The following KIF20B variants were observed in gnomAD, a reference collection of about 807,000 sequenced individuals.
KIF20B encodes the protein kinesin family member 20B.
A neutral mutation model predicts 232.5 loss-of-function variants in KIF20B; 188 were observed. The ratio of observed to expected loss-of-function variants is 0.81; its 90% CI spans 0.72 to 0.91. The LOEUF is 0.91. Among genes scored for constraint, KIF20B ranks in the 40% least tolerant of loss-of-function variants. The probability of loss-of-function intolerance (pLI) is 0.00; values close to 1 mark genes in which losing one functional copy is unlikely to be tolerated. For missense variants in KIF20B, 2,154 were observed against 2,055.9 expected (o/e 1.05, Z -0.92); for synonymous variants, 712 against 683.0 (o/e 1.04, Z -0.66).
Position 89,738,596 on chromosome 10 carries a change from C to T in KIF20B, c.3755C>T (p.Thr1252Ile). ...CAATTAAAAGAAGAAGAAGAAGAAA[C>T]CAACAGGCAAGAAACAGAAAAGTAA... is the stretch of plus-strand genomic sequence containing the variant. ...LLQLKEEEEE[T>I]NRQETEKLKE... Residue 1252 changes from threonine (T) to isoleucine (I), a missense_variant, in exon 20 of 33, where the codon ACC (threonine) becomes ATC (isoleucine). Physicochemically the swap from Thr to Ile is moderately conservative, Grantham distance 89. Transcript: ENST00000371728. The T allele has an allele frequency of 2.6e-6, 4 of 1,548,830 alleles. No homozygotes were observed. Among genetic ancestry groups the T allele is most frequent in the Non-Finnish European group, 3.5e-6 (4 of 1,150,290 alleles).
At chr10:89,736,631 T>A (rs186375223) in intron 19 of KIF20B, among the ~76,000 whole-genome samples, 1,943 of 152,246 alleles carry the variant, frequency 0.013, 18 homozygotes, top group Middle Eastern at 0.024. Context: ...TCTAGCAATA[T>A]ACATATTAAG....
chr10:89,720,909 C>T (rs1843041904), intron 13 of KIF20B, among the ~76,000 whole-genome samples: 1 of 152,086 alleles, frequency 6.6e-6, no homozygotes, highest in African/African-American at 2.4e-5. Flanking sequence ...GGGGTTTCAC[C>T]ATGTTGGCCA....
intron 23 of KIF20B, among the ~76,000 whole-genome samples, chr10:89,747,746 G>A (rs1841944977): frequency 6.6e-6 from 1 of 151,838 alleles, no homozygotes; most frequent in South Asian, 2.1e-4. Flanking sequence ...TGGGGTGGGG[G>A]GAGTGGGGAG....
At chr10:89,729,270 T>C (rs1301444729) in intron 18 of KIF20B, 23 bp downstream of exon 18, 1 of 1,441,902 alleles carries the variant, frequency 6.9e-7, no homozygotes, top group African/African-American at 1.5e-5. Context: ...CCTTGTGTTA[T>C]ATTAATAAAT....
At chr10:89,714,893 T>C (rs1842905958) in intron 7 of KIF20B, 62 bp from the exon 8 acceptor site, 2 of 983,024 alleles carry the variant, frequency 2.0e-6, no homozygotes, top group African/African-American at 3.3e-5. Flanking sequence ...TTTGTACTTT[T>C]GTCACGTTTT....
rs530759062 is a variant in KIF20B, at chr10:89,745,532, CAAAT to C, written c.4036-347_4036-344del. ...AGGGAGACTCCATCTCAAAAACAAA[CAAAT>C]AAATAAATAAATAAATAAAGACATA... On this transcript the variant is annotated intron_variant, in intron 22 of 32. Transcript: ENST00000371728. Among the ~76,000 whole-genome samples the C allele has an allele frequency of 4.8e-3, 726 of 151,984 alleles. 6 individuals are homozygous for C. The highest frequency in any genetic ancestry group is 0.015 in the African/African-American group (624 of 41,432).
In KIF20B at chr10:89,752,604, A is replaced by G. The variant is rs770019921; in HGVS notation, c.4260A>G (p.Glu1420=). The part of the protein sequence containing the change: ...EKWKEKCNDL[E]TKNNQRSNKE... The stretch of plus-strand genomic sequence containing the variant: ...GGAAGGAAAAATGCAATGATTTGGA[A>G]ACCAAAAACAATCAAAGGTCAAATA... Residue 1420 remains glutamate, a synonymous_variant, in exon 25 of 33, where the codon GAA becomes GAG. Transcript: ENST00000371728. The G allele has an allele frequency of 1.2e-6, 2 of 1,605,220 alleles. No homozygotes were observed. Among genetic ancestry groups the G allele is most frequent in the Non-Finnish European group, 1.7e-6 (2 of 1,175,798 alleles).
chr10:89,727,535 G>A (rs1040276586), intron 16 of KIF20B, among the ~76,000 whole-genome samples: 6 of 152,218 alleles, frequency 3.9e-5, no homozygotes, highest in Non-Finnish European at 5.9e-5. Flanking sequence ...CACGTAAGTG[G>A]TGCCTTTGCA....
Position 89,738,209 on chromosome 10 carries a change from A to G in KIF20B, c.3368A>G (p.Gln1123Arg), listed in dbSNP as rs767746356. The G allele has an allele frequency of 6.2e-7, 1 of 1,602,674 alleles. No homozygotes were observed. Among genetic ancestry groups the G allele is most frequent in the South Asian group, 1.1e-5 (1 of 88,202 alleles). ...LLKEKETLIQQLKEELQEKNV... is the reference protein window; with the variant it reads ...LLKEKETLIQRLKEELQEKNV... ...AAAGAAAAAGAAACTCTTATACAGCAGCTGAAAGAAGAATTGCAAGAAAAA... is the reference window on the plus strand; with the variant it reads ...AAAGAAAAAGAAACTCTTATACAGCGGCTGAAAGAAGAATTGCAAGAAAAA... Residue 1123 changes from glutamine to arginine, a missense_variant, in exon 20 of 33, where the codon CAG (glutamine) becomes CGG (arginine). Transcript: ENST00000371728.
chr10:89,727,769 C>A, intron 16 of KIF20B, 87 bp from the exon 17 acceptor site: 3 of 1,163,664 alleles, frequency 2.6e-6, no homozygotes, highest in Non-Finnish European at 3.6e-6. Flanking sequence ...TAAAGTGTCA[C>A]TAGAGCAGCA....
At chr10:89,743,976 A>C (rs767857339) in intron 22 of KIF20B, 49 bp downstream of exon 22, 65 of 1,482,696 alleles carry the variant, frequency 4.4e-5, no homozygotes, top group Middle Eastern at 1.7e-4. Context: ...CTCTTGGTAT[A>C]TTTTAGTGTA....
At chr10:89,727,937 A>T in intron 17 of KIF20B, 41 bp downstream of exon 17, 1 of 1,486,612 alleles carries the variant, frequency 6.7e-7, no homozygotes, top group Admixed American at 2.1e-5. Flanking sequence ...AAGGTATTTA[A>T]TTAACAAAGG....
At chr10:89,708,771 G>A (rs1842779077) in intron 2 of KIF20B, among the ~76,000 whole-genome samples, 1 of 152,048 alleles carries the variant, frequency 6.6e-6, no homozygotes, top group Admixed American at 6.6e-5. Context: ...AAGTAACAAG[G>A]AGAATGGTAC....
rs139277357 is a variant in KIF20B, at chr10:89,733,286, G to A, written c.2545+230G>A. ...AAATTGTGCTTTTATTATTTCTTTC[G>A]CAGTCTATGTAATAATTTCTGTGCT... On this transcript the variant is annotated intron_variant, in intron 19 of 32. Transcript: ENST00000371728. 1.4e-3 allele frequency: 565 copies of A among 409,014 alleles called. 4 individuals are homozygous for A. The highest frequency in any genetic ancestry group is 0.01 in the African/African-American group (501 of 49,334). 25.3% of individuals were successfully genotyped at this position (409,014 alleles called of 1,614,324 possible).
rs1175896496 is a variant in KIF20B, at chr10:89,743,858, A to G, written c.3966A>G (p.Glu1322=). The G allele has an allele frequency of 1.3e-6, 2 of 1,575,158 alleles. No individual in the cohort carries two copies. The highest frequency in any genetic ancestry group is 1.7e-6 in the Non-Finnish European group (2 of 1,155,012). ...AATTACTGAGGATTAAAATTAATGA[A>G]CTGGAGAAAAAGAAAAACCAGTGTT... The part of the protein sequence containing the change: ...EDKLLRIKIN[E]LEKKKNQCSQ... Residue 1322 remains glutamate (E), a synonymous_variant, in exon 22 of 33, where the codon GAA becomes GAG. Coordinates refer to ENST00000371728, the MANE Select transcript of KIF20B (RefSeq NM_001284259.2).
chr10:89,749,468 ACTAT>A (rs1333554406), intron 23 of KIF20B, among the ~76,000 whole-genome samples: 5 of 152,272 alleles, frequency 3.3e-5, no homozygotes, highest in African/African-American at 4.8e-5. Context: ...AACCATCACC[ACTAT>A]CTAATTACTG....
At chr10:89,747,900 A>C (rs201254418) in intron 23 of KIF20B, among the ~76,000 whole-genome samples, 7 of 140,900 alleles carry the variant, frequency 5.0e-5, no homozygotes, top group African/African-American at 1.5e-4. Flanking sequence ...AATAATAATA[A>C]AATTTTTAAA....
chr10:89,733,155 A>C, intron 19 of KIF20B, 99 bp downstream of exon 19: 1 of 1,241,434 alleles, frequency 8.1e-7, no homozygotes, highest in Non-Finnish European at 1.1e-6. Flanking sequence ...TGTCTAAGGA[A>C]AAATCTTGAG....
rs371173852 is a variant in KIF20B at position 89,768,707 on chromosome 10, C to G, written c.5092-31C>G. The stretch of plus-strand genomic sequence containing the variant: ...ACTATTTCCTTCTAACACTTCTCAT[C>G]AACAATAACAAAAAATGTTTTGTTT... On this transcript the variant is annotated intron_variant, in intron 30 of 32. Transcript: ENST00000371728. The G allele has an allele frequency of 9.0e-6, 14 of 1,552,998 alleles. No homozygotes were observed. The African/African-American group carries it at 1.8e-4, about 20-fold the overall frequency.
Sources: gnomAD v4.1 joint callset for allele counts (sites outside exome capture counted in the v4.1 genomes callset) on GRCh38, gnomAD v4.1.1 for gene constraint, MANE v1.5 for transcripts, NCBI Gene and HGNC (gene_info 2026-07-23, HGNC 2026-07-21) for gene names.